Variants in GNG12 observed in about 807,000 individuals in gnomAD.
GNG12 encodes G protein subunit gamma 12, also known as guanine nucleotide-binding protein G(I)/G(S)/G(O) subunit gamma-12.
For synonymous variants in GNG12, 28 were observed against 29.7 expected (o/e 0.94, Z 0.19); for missense variants, 69 against 83.8 (o/e 0.82, Z 0.69).
chr1:67,798,961 T>TAA (rs34930323), intron 1 of GNG12, among the ~76,000 whole-genome samples: 1 of 150,784 alleles, frequency 6.6e-6, no homozygotes, highest in Admixed American at 6.6e-5. Context: ...ACAAAAAAAA[T>TAA]ATAAATAAAT....
rs1646931301 is a variant in GNG12, at chr1:67,812,406, C to G, written c.-77+20938G>C. Among the ~76,000 whole-genome samples the G allele has an allele frequency of 2.6e-5, 4 of 152,152 alleles. No homozygotes were observed. In the South Asian group the frequency reaches 8.3e-4, roughly 32 times the overall value. ...ACAGATAAGGACACTGAGGTATGGG[C>G]AGACTATGTGCCCTGCTAAAGGTCA... is the stretch of plus-strand genomic sequence containing the variant. On this transcript the variant is annotated intron_variant, in intron 1 of 3. Coordinates refer to ENST00000370982, the MANE Select transcript of GNG12 (RefSeq NM_018841.6).
chr1:67,766,622 C>T (rs6679944), intron 2 of GNG12, among the ~76,000 whole-genome samples: 77,169 of 139,612 alleles, frequency 0.55, 21,740 homozygotes, highest in South Asian at 0.64. Flanking sequence ...TTTTTTTTTT[C>T]CAGGAGAATT....
chr1:67,794,932 C>G (rs548556533), intron 1 of GNG12, among the ~76,000 whole-genome samples: 9 of 152,310 alleles, frequency 5.9e-5, no homozygotes, highest in African/African-American at 2.2e-4. Flanking sequence ...CTAACAACAA[C>G]CAACTGCTGA....
chr1:67,789,197 C>T (rs553977490), intron 1 of GNG12, among the ~76,000 whole-genome samples: 14 of 152,258 alleles, frequency 9.2e-5, no homozygotes, highest in Admixed American at 2.0e-4. Flanking sequence ...TATTAAGTCC[C>T]GATTCAAAAG....
rs541918084 is a variant in GNG12, at chr1:67,806,691, C to G, written c.-77+26653G>C. On this transcript the variant is annotated intron_variant, in intron 1 of 3. Transcript: ENST00000370982. ...GAAAGTTACTAGGAATAAAGACAGGCATCACATAATGATAAAGGGGTCAAT... is the reference window on the plus strand; with the variant it reads ...GAAAGTTACTAGGAATAAAGACAGGGATCACATAATGATAAAGGGGTCAAT... Among the ~76,000 whole-genome samples the G allele has an allele frequency of 3.3e-5, 5 of 152,188 alleles. No homozygotes were observed. The East Asian group carries it at 9.6e-4, about 29-fold the overall frequency.
intron 2 of GNG12, among the ~76,000 whole-genome samples, chr1:67,733,844 C>T (rs1172378464): frequency 1.3e-5 from 2 of 152,192 alleles, no homozygotes; most frequent in Admixed American, 6.5e-5. Context: ...AGGCTGTGTA[C>T]TGAGAGATCA....
At chr1:67,767,453 T>C (rs1646647912) in intron 2 of GNG12, among the ~76,000 whole-genome samples, 3 of 152,188 alleles carry the variant, frequency 2.0e-5, no homozygotes, top group Admixed American at 2.0e-4. Context: ...TCTCCACACC[T>C]ACCTGACCAA....
intron 1 of GNG12, among the ~76,000 whole-genome samples, chr1:67,782,909 T>C (rs1181207483): frequency 6.6e-6 from 1 of 152,182 alleles, no homozygotes; most frequent in African/African-American, 2.4e-5. Flanking sequence ...TATGTTACTA[T>C]GGCCATAGTT....
chr1:67,777,110 A>G (rs1430677146), intron 2 of GNG12: 2 of 152,192 alleles, frequency 1.3e-5, no homozygotes, highest in Admixed American at 6.5e-5. Flanking sequence ...ATTACAACAC[A>G]CTACAAGAAA....
At chr1:67,759,780 C>A (rs955739055) in intron 2 of GNG12, among the ~76,000 whole-genome samples, 1 of 144,436 alleles carries the variant, frequency 6.9e-6, no homozygotes, top group Non-Finnish European at 1.5e-5. Context: ...TCAGTGAAGG[C>A]CATTTTTCAA....
intron 2 of GNG12, among the ~76,000 whole-genome samples, chr1:67,726,603 A>G (rs1402465707): frequency 6.6e-6 from 1 of 152,246 alleles, no homozygotes; most frequent in Non-Finnish European, 1.5e-5. Flanking sequence ...CACATTACAA[A>G]AAGATTCCTC....
chr1:67,800,621 G>A (rs1384470405), intron 1 of GNG12, among the ~76,000 whole-genome samples: 1 of 152,154 alleles, frequency 6.6e-6, no homozygotes, highest in African/African-American at 2.4e-5. Context: ...TTTTTTAAAT[G>A]TGCTCTCAAA....
intron 2 of GNG12, chr1:67,772,651 C>T (rs1175502520): frequency 6.6e-6 from 1 of 152,194 alleles, no homozygotes; most frequent in African/African-American, 2.4e-5. Context: ...AGCTGTAACA[C>T]TACCCCTCCT....
intron 2 of GNG12, among the ~76,000 whole-genome samples, chr1:67,746,710 GC>G (rs746421825): frequency 5.3e-5 from 8 of 152,142 alleles, no homozygotes; most frequent in Non-Finnish European, 8.8e-5. Context: ...TAAATTATGT[GC>G]AAAAAATTAC....
chr1:67,731,590 G>A (rs931893795), intron 2 of GNG12, among the ~76,000 whole-genome samples: 1 of 152,224 alleles, frequency 6.6e-6, no homozygotes. Flanking sequence ...GGAAAGGGCA[G>A]GCAGTTTGGT....
At chr1:67,756,276 T>C (rs116630300) in intron 2 of GNG12, among the ~76,000 whole-genome samples, 1,653 of 152,042 alleles carry the variant, frequency 0.011, 23 homozygotes, top group African/African-American at 0.038. Context: ...AAAAAAATAA[T>C]AAATAAAAAG....
intron 2 of GNG12, among the ~76,000 whole-genome samples, chr1:67,708,563 G>A (rs1263269699): frequency 6.6e-6 from 1 of 152,132 alleles, no homozygotes; most frequent in Non-Finnish European, 1.5e-5. Flanking sequence ...TTAGCCACCT[G>A]GTGTAAAGCA....
rs566230198 is a variant in GNG12 at position 67,724,726 on chromosome 1, T to C, written c.-26-17014A>G. ...ATATAAAGTTCAGGAACAGGCAAAA[T>C]GCATCTACAGTGATAGAAACTATAA... is the stretch of plus-strand genomic sequence containing the variant. On this transcript the variant is annotated intron_variant, in intron 2 of 3. Transcript: ENST00000370982. 5.3e-4 allele frequency among the ~76,000 whole-genome samples: 81 copies of C among 152,238 alleles called. No homozygotes were observed. In the South Asian group the frequency reaches 0.011, roughly 21 times the overall value.
At chr1:67,759,762 G>A (rs144651880) in intron 2 of GNG12, among the ~76,000 whole-genome samples, 2 of 151,850 alleles carry the variant, frequency 1.3e-5, no homozygotes, top group South Asian at 2.1e-4. Flanking sequence ...ACCCTTACTT[G>A]AGCAATTTCA....
Sources: allele counts gnomAD v4.1 joint callset (sites outside exome capture counted in the v4.1 genomes callset), GRCh38; gene constraint gnomAD v4.1.1; transcripts MANE v1.5; gene names NCBI Gene and HGNC (gene_info 2026-07-23, HGNC 2026-07-21).